Variants in TCF4 observed in about 807,000 individuals in gnomAD.
The protein encoded by TCF4 is transcription factor 4, also known as SL3-3 enhancer factor 2.
TCF4 carries 3 observed loss-of-function variants against 82.1 expected under a neutral mutation model. That is an observed-to-expected ratio of 0.04 (90% confidence interval 0.02 to 0.09). The LOEUF (loss-of-function observed/expected upper bound fraction) is 0.09, where lower values mean the gene tolerates loss of function less well. TCF4 is among the 10% of genes least tolerant of loss of function. The pLI, the probability that TCF4 is intolerant of heterozygous loss-of-function variation, is 1.00. For synonymous variants in TCF4, 276 were observed against 309.6 expected, an observed-to-expected ratio of 0.89 and a Z score of 1.14; for missense variants, 518 against 852.7, an observed-to-expected ratio of 0.61 and a Z score of 4.89.
intron 3 of TCF4, among the ~76,000 whole-genome samples, chr18:55,484,228 A>C (rs2096484335): frequency 6.6e-6 from 1 of 152,168 alleles, no homozygotes; most frequent in African/African-American, 2.4e-5. Flanking sequence ...TCAGAATCCC[A>C]ATTTCCTAAT....
intron 5 of TCF4, among the ~76,000 whole-genome samples, chr18:55,422,860 G>A (rs1484873889): frequency 6.6e-6 from 1 of 152,040 alleles, no homozygotes; most frequent in African/African-American, 2.4e-5. Flanking sequence ...ATTTTATGAT[G>A]ATGAATGCAG....
chr18:55,323,523 T>C (rs1397770833), intron 8 of TCF4, among the ~76,000 whole-genome samples: 1 of 152,194 alleles, frequency 6.6e-6, no homozygotes, highest in African/African-American at 2.4e-5. Context: ...CTAACTCACT[T>C]GCTCTGCATT....
At chr18:55,411,635 C>T (rs1167962469) in intron 5 of TCF4, among the ~76,000 whole-genome samples, 3 of 152,162 alleles carry the variant, frequency 2.0e-5, no homozygotes, top group Admixed American at 2.0e-4. Context: ...AGAAACCTTG[C>T]TGATCAGGAG....
chr18:55,229,434 G>T, intron 17 of TCF4: 1 of 312,424 alleles, frequency 3.2e-6, no homozygotes, highest in Non-Finnish European at 6.1e-6. Flanking sequence ...ACCAACTTAC[G>T]CCTAGCATAT....
At chr18:55,541,795 CTTAT>C (rs2097167305) in intron 3 of TCF4, among the ~76,000 whole-genome samples, 2 of 151,904 alleles carry the variant, frequency 1.3e-5, no homozygotes, top group Non-Finnish European at 1.5e-5. Context: ...CCCTTCTGTA[CTTAT>C]TTGTCTCTTC....
rs995816199 is a variant in TCF4, at chr18:55,631,496, G to A, written c.196-108C>T. On this transcript the variant is annotated intron_variant, in intron 1 of 20. Coordinates refer to the TCF4 transcript ENST00000398339. ...AGAAATGATAATGTTTTGGGTTAGG[G>A]TAATGCCCTACAGGGATGAAGACAA... 6.7e-6 allele frequency: 8 copies of A among 1,189,964 alleles called. No homozygotes were observed. In the African/African-American group the frequency reaches 1.1e-4, roughly 16 times the overall value. 73.7% of individuals were successfully genotyped at this position (1,189,964 alleles called of 1,614,324 possible). A position where few individuals can be genotyped will look rare whatever the true frequency, so the allele number is the denominator to read the frequency against.
At chr18:55,256,376 G>A (rs571118944) in intron 14 of TCF4, among the ~76,000 whole-genome samples, 81 of 152,132 alleles carry the variant, frequency 5.3e-4, no homozygotes, top group Non-Finnish European at 9.9e-4. Context: ...GATGTGGTCC[G>A]CAGATTAATT....
chr18:55,557,682 A>C (rs2097316378), intron 3 of TCF4, among the ~76,000 whole-genome samples: 1 of 152,134 alleles, frequency 6.6e-6, no homozygotes, highest in African/African-American at 2.4e-5. Flanking sequence ...AATAATACAA[A>C]AAGTTATCTA....
chr18:55,571,756 TTA>T (rs2097472066), intron 3 of TCF4, among the ~76,000 whole-genome samples: 1 of 151,016 alleles, frequency 6.6e-6, no homozygotes, highest in Non-Finnish European at 1.5e-5. Flanking sequence ...TTTTTTGTTA[TTA>T]TATGTTTTGT....
intron 2 of TCF4, chr18:55,585,600 C>T (rs1263702782): frequency 6.7e-6 from 4 of 599,322 alleles, no homozygotes; most frequent in Non-Finnish European, 1.1e-5. Context: ...ACTACTGCTA[C>T]ATTTGGAACA....
chr18:55,538,024 GCGCACACACACACA>G (rs1387691212), intron 3 of TCF4, among the ~76,000 whole-genome samples: 5 of 125,610 alleles, frequency 4.0e-5, no homozygotes, highest in African/African-American at 1.6e-4. Flanking sequence ...GTCTGCGCGC[GCGCACACACACACA>G]CACACACACA....
intron 3 of TCF4, among the ~76,000 whole-genome samples, chr18:55,542,224 G>C (rs1435946737): frequency 6.6e-6 from 1 of 151,868 alleles, no homozygotes; most frequent in African/African-American, 2.4e-5. Flanking sequence ...CTTTGTTTCT[G>C]AGTTTCCATG....
At chr18:55,473,270 A>G (rs1603504415) in intron 3 of TCF4, among the ~76,000 whole-genome samples, 1 of 152,112 alleles carries the variant, frequency 6.6e-6, no homozygotes, top group Non-Finnish European at 1.5e-5. Context: ...CTTAATTGAA[A>G]TATCTGTAGG....
intron 2 of TCF4, among the ~76,000 whole-genome samples, chr18:55,621,690 T>A (rs1443166426): frequency 2.4e-5 from 2 of 84,742 alleles, no homozygotes; most frequent in African/African-American, 4.8e-5. Context: ...ATATATTATA[T>A]TATATAATAT....
At chr18:55,426,426 A>C (rs532914550) in intron 5 of TCF4, among the ~76,000 whole-genome samples, 16 of 152,298 alleles carry the variant, frequency 1.1e-4, no homozygotes, top group Admixed American at 2.6e-4. Context: ...ACCCACAAAA[A>C]GAGTGAACTT....
chr18:55,288,503 G>A (rs1266530902), intron 8 of TCF4, among the ~76,000 whole-genome samples: 1 of 152,168 alleles, frequency 6.6e-6, no homozygotes, highest in Non-Finnish European at 1.5e-5. Context: ...TGGAGTTTGA[G>A]TTTTTAAGTA....
At chr18:55,562,072 A>G (rs2097359761) in intron 3 of TCF4, among the ~76,000 whole-genome samples, 1 of 152,186 alleles carries the variant, frequency 6.6e-6, no homozygotes, top group African/African-American at 2.4e-5. Context: ...CTGTTTTGCA[A>G]ATAAAGTTTT....
At chr18:55,518,226 T>C (rs2096901381) in intron 3 of TCF4, among the ~76,000 whole-genome samples, 1 of 152,148 alleles carries the variant, frequency 6.6e-6, no homozygotes, top group South Asian at 2.1e-4. Flanking sequence ...CTGTCTGTTA[T>C]ATAAAATGTT....
intron 3 of TCF4, among the ~76,000 whole-genome samples, chr18:55,487,150 TC>T (rs1235222149): frequency 1.3e-5 from 2 of 152,184 alleles, no homozygotes; most frequent in African/African-American, 4.8e-5. Flanking sequence ...TGTGCCTCAA[TC>T]ACACCAGACT....
Sources: gnomAD v4.1 joint callset for allele counts (sites outside exome capture counted in the v4.1 genomes callset) on GRCh38, gnomAD v4.1.1 for gene constraint, MANE v1.5 for transcripts, NCBI Gene and HGNC (gene_info 2026-07-23, HGNC 2026-07-21) for gene names.